Variants in TSC22D1 observed in about 807,000 individuals in gnomAD.
TSC22D1 encodes TSC22 domain family member 1, also known as TSC22 domain family protein 1.
TSC22D1 carries 9 observed loss-of-function variants against 74.2 expected under a neutral mutation model. The observed-to-expected ratio is 0.12, with a 90% CI of 0.07 to 0.21. TSC22D1 has a LOEUF of 0.21. Among genes scored for constraint, TSC22D1 ranks in the 10% least tolerant of loss-of-function variants. The pLI is 1.00. For missense variants in TSC22D1, 1,427 were observed against 1,304.7 expected, an observed-to-expected ratio of 1.09 and a Z score of -1.44; for synonymous variants, 586 against 492.5, an observed-to-expected ratio of 1.19 and a Z score of -2.51.
At chr13:44,498,970 A>C (rs1028902008) in intron 1 of TSC22D1, among the ~76,000 whole-genome samples, 3 of 152,250 alleles carry the variant, frequency 2.0e-5, no homozygotes, top group Non-Finnish European at 4.4e-5. Flanking sequence ...GTAAAAAAAA[A>C]TGCAAAGTTT....
intron 1 of TSC22D1, among the ~76,000 whole-genome samples, chr13:44,494,866 C>T (rs534215975): frequency 6.6e-6 from 1 of 152,060 alleles, no homozygotes; most frequent in African/African-American, 2.4e-5. Flanking sequence ...CTAAAGGAAA[C>T]CAGGAGAATT....
At chr13:44,557,058 G>A (rs1882692384) in intron 1 of TSC22D1, among the ~76,000 whole-genome samples, 1 of 151,670 alleles carries the variant, frequency 6.6e-6, no homozygotes, top group Non-Finnish European at 1.5e-5. Context: ...CAGGAGAATG[G>A]CTTGAACCCG....
At chr13:44,465,733 G>A (rs1391482579) in intron 1 of TSC22D1, among the ~76,000 whole-genome samples, 2 of 152,180 alleles carry the variant, frequency 1.3e-5, no homozygotes, top group African/African-American at 4.8e-5. Flanking sequence ...AGCACTTTAG[G>A]AGGCCGAGGC....
intron 1 of TSC22D1, among the ~76,000 whole-genome samples, chr13:44,551,386 A>G (rs113034851): frequency 4.3e-5 from 4 of 93,982 alleles, no homozygotes; most frequent in Non-Finnish European, 8.8e-5. Context: ...CCCCAATCAG[A>G]TGGGTGTGTG....
At chr13:44,480,197 A>C (rs1308932837) in intron 1 of TSC22D1, among the ~76,000 whole-genome samples, 1 of 152,258 alleles carries the variant, frequency 6.6e-6, no homozygotes, top group Admixed American at 6.5e-5. Flanking sequence ...ACTGTAAAAG[A>C]CAAAGATCTT....
At chr13:44,476,384 T>G (rs963186027) in intron 1 of TSC22D1, among the ~76,000 whole-genome samples, 3 of 152,152 alleles carry the variant, frequency 2.0e-5, no homozygotes, top group African/African-American at 7.2e-5. Flanking sequence ...TATTTGTAAC[T>G]TGAAATAAAC....
In TSC22D1 at chr13:44,574,339, G is replaced by C. The variant is rs778189211; in HGVS notation, c.1736C>G (p.Pro579Arg). The C allele has an allele frequency of 1.9e-6, 3 of 1,614,248 alleles. No homozygotes were observed. The highest frequency in any genetic ancestry group is 2.7e-5 in the African/African-American group (2 of 75,060). The change falls in exon 1 of 3, where the codon CCA (proline) becomes CGA (arginine). Residue 579 changes from proline to arginine, a missense_variant. Transcript: ENST00000458659. Reference sequence around the variant, plus strand: ...TACACCAACCACATTTACAGGCGATGGCTGGATACCAGTTGCAGCACTCAT... The same window carrying C: ...TACACCAACCACATTTACAGGCGATCGCTGGATACCAGTTGCAGCACTCAT... ...ATMSAATGIQPSPVNVVGVTS... is the reference protein window; with the variant it reads ...ATMSAATGIQRSPVNVVGVTS...
chr13:44,513,738 T>C (rs897861820), intron 1 of TSC22D1, among the ~76,000 whole-genome samples: 7 of 152,216 alleles, frequency 4.6e-5, no homozygotes, highest in Admixed American at 4.6e-4. Flanking sequence ...ATAAGCAGTA[T>C]CAACCAGGGC....
upstream of TSC22D1, chr13:44,577,020 C>T (rs933396523): frequency 6.6e-6 from 1 of 152,584 alleles, no homozygotes; most frequent in South Asian, 2.1e-4. Context: ...GTGCGACCCT[C>T]TCTTATCCTC....
At chr13:44,526,310 G>A (rs1215461852) in intron 1 of TSC22D1, among the ~76,000 whole-genome samples, 1 of 151,842 alleles carries the variant, frequency 6.6e-6, no homozygotes, top group Non-Finnish European at 1.5e-5. Context: ...GAATTGATGG[G>A]TAATATAAGC....
intron 1 of TSC22D1, among the ~76,000 whole-genome samples, chr13:44,515,666 G>A (rs1200948645): frequency 2.0e-5 from 3 of 152,076 alleles, no homozygotes; most frequent in Non-Finnish European, 4.4e-5. Context: ...TCGAACTCCT[G>A]GCCTCAAGTG....
At position 44,573,343 on chromosome 13, in the gene TSC22D1, T is replaced by G. The variant is rs778416873; in HGVS notation, c.2732A>C (p.Glu911Ala). ...SLAQAIGSQI[E>A]DARRAAEPSL... ...GGGCTCCGCTGCACGCCTGGCATCTTCAATTTGGCTTCCAATTGCCTGAGC... is the reference window on the plus strand; with the variant it reads ...GGGCTCCGCTGCACGCCTGGCATCTGCAATTTGGCTTCCAATTGCCTGAGC... The change falls in exon 1 of 3, where the codon GAA becomes GCA. Residue 911 changes from glutamate to alanine, a missense_variant. Physicochemically the swap from Glu to Ala is moderately radical, Grantham distance 107 (BLOSUM62 -1). This residue lies in a region of TSC22D1 where 1,343 missense variants were observed against 1,191.5 expected (regional missense o/e 1.13). Transcript: ENST00000458659. 3 of 1,614,272 alleles carry G rather than the reference T, an allele frequency of 1.9e-6. No homozygotes were observed. The Admixed American group carries it at 5.0e-5, about 27-fold the overall frequency.
chr13:44,503,328 A>AG (rs1298433376), intron 1 of TSC22D1, among the ~76,000 whole-genome samples: 1 of 149,956 alleles, frequency 6.7e-6, no homozygotes, highest in Non-Finnish European at 1.5e-5. Flanking sequence ...TAAAGTACAC[A>AG]GAAAAAAAAC....
intron 1 of TSC22D1, among the ~76,000 whole-genome samples, chr13:44,481,356 G>A (rs1878168928): frequency 6.6e-6 from 1 of 151,920 alleles, no homozygotes; most frequent in African/African-American, 2.4e-5. Context: ...AGGAAGACAG[G>A]TAACTGGTGA....
chr13:44,434,312 G>A lies in TSC22D1; in HGVS notation c.*314C>T, dbSNP rs978389425. Reference sequence around the variant, plus strand: ...CCTTGGAAGTGAGGGGTAGGGAGCCGGAAGGGATGGAAAGGCACACAGCTC... The same window carrying A: ...CCTTGGAAGTGAGGGGTAGGGAGCCAGAAGGGATGGAAAGGCACACAGCTC... On this transcript the variant is annotated 3_prime_UTR_variant, in exon 3 of 3. Transcript: ENST00000458659. 8 of 1,370,302 alleles carry A rather than the reference G, an allele frequency of 5.8e-6. No homozygotes were observed. The highest frequency in any genetic ancestry group is 3.7e-5 in the Admixed American group (1 of 27,128). 84.9% of individuals were successfully genotyped at this position (1,370,302 alleles called of 1,614,324 possible).
At chr13:44,450,663 G>C (rs1876052474) in intron 1 of TSC22D1, among the ~76,000 whole-genome samples, 1 of 152,218 alleles carries the variant, frequency 6.6e-6, no homozygotes, top group African/African-American at 2.4e-5. Flanking sequence ...TGAACAGGTG[G>C]AAGGTGATGC....
chr13:44,524,860 A>G (rs926249707), intron 1 of TSC22D1, among the ~76,000 whole-genome samples: 15 of 152,152 alleles, frequency 9.9e-5, no homozygotes, highest in African/African-American at 3.6e-4. Flanking sequence ...TTTAACTCCA[A>G]AAGCCCCATC....
rs1884118595 is a variant in TSC22D1 at position 44,575,153 on chromosome 13, T to C, written c.922A>G (p.Thr308Ala). The C allele has an allele frequency of 6.2e-7, 1 of 1,614,070 alleles. No homozygotes were observed. Among genetic ancestry groups the C allele is most frequent in the Admixed American group, 1.7e-5 (1 of 60,008 alleles). Reference protein sequence around the residue: ...TTGGIGINSVTGTSTVNNVNI... With the variant: ...TTGGIGINSVAGTSTVNNVNI... Reference sequence around the variant, plus strand: ...ACATTATTTACTGTACTAGTGCCAGTAACAGAATTTATACCTATTCCACCT... The same window carrying C: ...ACATTATTTACTGTACTAGTGCCAGCAACAGAATTTATACCTATTCCACCT... Residue 308 changes from threonine (T) to alanine (A), a missense_variant, in exon 1 of 3, where the codon ACT becomes GCT. This residue lies in a region of TSC22D1 where 1,343 missense variants were observed against 1,191.5 expected (regional missense o/e 1.13). Transcript: ENST00000458659.
At chr13:44,436,679 G>A in intron 1 of TSC22D1, 1 of 1,588,912 alleles carries the variant, frequency 6.3e-7, no homozygotes, top group Non-Finnish European at 8.5e-7. Flanking sequence ...AACACCAGCA[G>A]CCTTGTATAA....
Sources: allele counts gnomAD v4.1 joint callset (sites outside exome capture counted in the v4.1 genomes callset), GRCh38; gene constraint gnomAD v4.1.1; regional missense constraint gnomAD v4.1.1; transcripts MANE v1.5; gene names NCBI Gene and HGNC (gene_info 2026-07-23, HGNC 2026-07-21).